The following NXPE2 variants were observed in gnomAD, a reference collection of about 807,000 sequenced individuals.
The protein encoded by NXPE2 is NXPE family member 2.
In NXPE2, 34 loss-of-function variants were observed where a neutral mutation model predicts 34.4. That is an observed-to-expected ratio of 0.99 (90% CI 0.75 to 1.31). NXPE2 has a LOEUF of 1.31. NXPE2 is among the 40% of genes most tolerant of loss of function. The probability of loss-of-function intolerance (pLI) is 0.00; values close to 1 mark genes in which losing one functional copy is unlikely to be tolerated. For missense variants in NXPE2, 649 were observed against 672.5 expected (o/e 0.97, Z 0.39); for synonymous variants, 235 against 231.3 (o/e 1.02, Z -0.15).
At chr11:114,656,418 A>G in the NXPE2 span, among the ~76,000 whole-genome samples, 6 of 152,204 alleles carry the variant, frequency 3.9e-5, no homozygotes, top group Non-Finnish European at 7.3e-5. Flanking sequence ...TCACAGAATT[A>G]GAAAAAACTA....
chr11:114,492,048 T>C, the NXPE2 span, among the ~76,000 whole-genome samples: 2 of 152,046 alleles, frequency 1.3e-5, no homozygotes, highest in African/African-American at 2.4e-5. Context: ...TTAGGAGATA[T>C]ACCTAATGCT....
the NXPE2 span, among the ~76,000 whole-genome samples, chr11:114,572,169 G>A: frequency 6.6e-6 from 1 of 152,060 alleles, no homozygotes; most frequent in African/African-American, 2.4e-5. Flanking sequence ...GGGGAAGGGG[G>A]ATTAAACCAC....
the NXPE2 span, among the ~76,000 whole-genome samples, chr11:114,670,324 T>C: frequency 6.6e-6 from 1 of 152,020 alleles, no homozygotes; most frequent in Non-Finnish European, 1.5e-5. Context: ...CCCAAGCCTT[T>C]ACTTTCTGAG....
At chr11:114,756,592 T>C in the NXPE2 span, among the ~76,000 whole-genome samples, 1,575 of 152,254 alleles carry the variant, frequency 0.01, 14 homozygotes, top group Non-Finnish European at 0.015. Flanking sequence ...ATTAATATAA[T>C]TGATGTCACT....
the NXPE2 span, among the ~76,000 whole-genome samples, chr11:114,619,452 G>A: frequency 6.7e-6 from 1 of 149,270 alleles, no homozygotes. Flanking sequence ...TGGAGAATAA[G>A]TGTTGCCTCG....
chr11:114,638,404 G>T, the NXPE2 span, among the ~76,000 whole-genome samples: 1 of 151,808 alleles, frequency 6.6e-6, no homozygotes, highest in Non-Finnish European at 1.5e-5. Context: ...TTTGCCTTCG[G>T]TTTGAATTTC....
the NXPE2 span, among the ~76,000 whole-genome samples, chr11:114,628,337 A>G: frequency 6.6e-6 from 1 of 152,176 alleles, no homozygotes. Flanking sequence ...ACCACAGTGC[A>G]ATCAAACTAG....
the NXPE2 span, chr11:114,581,811 A>T: frequency 3.4e-5 from 52 of 1,514,028 alleles, no homozygotes; most frequent in Non-Finnish European, 4.7e-5. Context: ...TACAGAAATT[A>T]ATCTGTAGGT....
At chr11:114,806,143 TAGAAGGAAAACTAAC>T in the NXPE2 span, among the ~76,000 whole-genome samples, 1 of 152,078 alleles carries the variant, frequency 6.6e-6, no homozygotes, top group Admixed American at 6.6e-5. Flanking sequence ...TCCTGTCTGT[TAGAAGGAAAACTAAC>T]AAACAGAAAG....
At chr11:114,613,542 C>T in the NXPE2 span, among the ~76,000 whole-genome samples, 10 of 151,786 alleles carry the variant, frequency 6.6e-5, no homozygotes, top group East Asian at 1.8e-3. Flanking sequence ...TCACTGTTAC[C>T]TGCTGCACAA....
the NXPE2 span, among the ~76,000 whole-genome samples, chr11:114,562,587 C>G: frequency 6.6e-6 from 1 of 152,172 alleles, no homozygotes; most frequent in Non-Finnish European, 1.5e-5. Context: ...TGCCATTTTC[C>G]TAGACTCTGT....
the NXPE2 span, among the ~76,000 whole-genome samples, chr11:114,610,469 T>C: frequency 5.3e-5 from 8 of 151,248 alleles, no homozygotes; most frequent in Non-Finnish European, 8.9e-5. Flanking sequence ...GTGTTGTTTC[T>C]AGGGTAACCA....
At chr11:114,583,455 A>T in the NXPE2 span, 1 of 666,046 alleles carries the variant, frequency 1.5e-6, no homozygotes, top group South Asian at 1.4e-5. Context: ...ACCAAGTACC[A>T]CAGTGATGAC....
At chr11:114,502,694 T>C in the NXPE2 span, among the ~76,000 whole-genome samples, 1 of 152,236 alleles carries the variant, frequency 6.6e-6, no homozygotes, top group South Asian at 2.1e-4. Context: ...CTCATATGAA[T>C]TCCTTGGAGA....
chr11:114,780,870 G>A, the NXPE2 span, among the ~76,000 whole-genome samples: 1 of 152,170 alleles, frequency 6.6e-6, no homozygotes, highest in Non-Finnish European at 1.5e-5. Context: ...GGTACTTTAG[G>A]AAGGTATTGT....
the NXPE2 span, among the ~76,000 whole-genome samples, chr11:114,780,277 C>A: frequency 6.6e-6 from 1 of 152,226 alleles, no homozygotes; most frequent in Non-Finnish European, 1.5e-5. Context: ...TCAGCAGCTG[C>A]TGGGCTCCTG....
the NXPE2 span, among the ~76,000 whole-genome samples, chr11:114,465,753 CTG>C: frequency 6.6e-6 from 1 of 152,130 alleles, no homozygotes; most frequent in African/African-American, 2.4e-5. Context: ...CATTTGAACA[CTG>C]GAATTCAAGG....
At chr11:114,506,619 C>T in the NXPE2 span, among the ~76,000 whole-genome samples, 2 of 152,276 alleles carry the variant, frequency 1.3e-5, no homozygotes, top group East Asian at 3.9e-4. Context: ...GAATAACCTG[C>T]TACTGAATGG....
At chr11:114,753,652 G>A in the NXPE2 span, among the ~76,000 whole-genome samples, 9 of 152,270 alleles carry the variant, frequency 5.9e-5, no homozygotes, top group Admixed American at 5.9e-4. Context: ...TGATGCTGCT[G>A]TCTGAGCCAT....
Sources: gnomAD v4.1 joint callset for allele counts (sites outside exome capture counted in the v4.1 genomes callset) on GRCh38, gnomAD v4.1.1 for gene constraint, MANE v1.5 for transcripts, NCBI Gene and HGNC (gene_info 2026-07-23, HGNC 2026-07-21) for gene names.